The following NRXN3 variants were observed in gnomAD, a reference collection of about 807,000 sequenced individuals.
The protein encoded by NRXN3 is neurexin III.
Under a neutral mutation model 137.6 loss-of-function variants are expected in NRXN3, and 32 were observed. That is an observed-to-expected ratio of 0.23 (90% CI 0.18 to 0.31). The LOEUF (loss-of-function observed/expected upper bound fraction) is 0.31, where lower values mean the gene tolerates loss of function less well. Ranked by LOEUF, NRXN3 falls within the 10% of genes least tolerant of loss-of-function variation. The pLI is 1.00. For synonymous variants in NRXN3, 798 were observed against 784.5 expected (o/e 1.02, Z -0.29); for missense variants, 1,574 against 2,062.5 (o/e 0.76, Z 4.59).
chr14:78,610,388 C>T (rs996852540), intron 4 of NRXN3, among the ~76,000 whole-genome samples: 1 of 152,222 alleles, frequency 6.6e-6, no homozygotes, highest in Non-Finnish European at 1.5e-5. Context: ...CAGGCTCCTG[C>T]TCTTCCAAGG....
chr14:79,078,844 TA>T, intron 15 of NRXN3, among the ~76,000 whole-genome samples: 1 of 152,088 alleles, frequency 6.6e-6, no homozygotes, highest in Non-Finnish European at 1.5e-5. Context: ...GCAACACCAA[TA>T]AAGAGAGGAA....
rs2098438085 is a variant in NRXN3 at position 79,642,577 on chromosome 14, C to T, written c.3445-21201C>T. 1.5e-5 allele frequency among the ~76,000 whole-genome samples: 2 copies of T among 133,598 alleles called. 1 individual carries two copies. 87.6% of individuals were successfully genotyped at this position (133,598 alleles called of 152,430 possible). A position where few individuals can be genotyped will look rare whatever the true frequency, so the allele number is the denominator to read the frequency against. ...TCAAGCCACTGATACAAATATTGAC[C>T]AGGTAGGTTGTAAAGGACATGGTTC... On this transcript the variant is annotated intron_variant, in intron 16 of 20. Coordinates refer to ENST00000335750, the MANE Select transcript of NRXN3 (RefSeq NM_001330195.2).
chr14:78,948,628 C>CTTTTTTTTTTTTTTTTTTTT (rs201010514), intron 10 of NRXN3, among the ~76,000 whole-genome samples: 2 of 108,604 alleles, frequency 1.8e-5, no homozygotes, highest in Non-Finnish European at 3.8e-5. Context: ...ACACATTTAA[C>CTTTTTTTTTTTTTTTTTTTT]TTTTTTTTTT....
intron 19 of NRXN3, among the ~76,000 whole-genome samples, chr14:79,778,631 C>T (rs2099104829): frequency 6.6e-6 from 1 of 152,024 alleles, no homozygotes; most frequent in South Asian, 2.1e-4. Flanking sequence ...TCCTGTATAG[C>T]CCCCTTTTAA....
At chr14:78,748,676 G>C (rs1331307691) in intron 8 of NRXN3, among the ~76,000 whole-genome samples, 1 of 152,130 alleles carries the variant, frequency 6.6e-6, no homozygotes, top group Non-Finnish European at 1.5e-5. Flanking sequence ...GAAAGATCTG[G>C]GTTTAGAAAT....
At chr14:79,651,368 C>A (rs2098474929) in intron 16 of NRXN3, among the ~76,000 whole-genome samples, 1 of 152,080 alleles carries the variant, frequency 6.6e-6, no homozygotes, top group African/African-American at 2.4e-5. Context: ...GTAAATGAAC[C>A]ATGGATGGAG....
At chr14:78,832,316 T>G (rs950421639) in intron 10 of NRXN3, among the ~76,000 whole-genome samples, 9 of 152,186 alleles carry the variant, frequency 5.9e-5, no homozygotes, top group East Asian at 1.9e-4. Flanking sequence ...AAGAAAGAAA[T>G]AATTCCAGAT....
intron 15 of NRXN3, among the ~76,000 whole-genome samples, chr14:79,306,082 C>CGTA (rs1469793336): frequency 1.3e-5 from 2 of 152,044 alleles, no homozygotes; most frequent in Admixed American, 1.3e-4. Context: ...ATGTGTTGAC[C>CGTA]GTAAGTTCTT....
intron 4 of NRXN3, among the ~76,000 whole-genome samples, chr14:78,468,267 C>T (rs1267144628): frequency 6.6e-6 from 1 of 152,150 alleles, no homozygotes; most frequent in African/African-American, 2.4e-5. Context: ...TATTATTTCT[C>T]ATGAGTATTA....
At chr14:79,695,462 TTAGGCTGTCTAATG>T (rs1464134589) in intron 18 of NRXN3, among the ~76,000 whole-genome samples, 2 of 151,972 alleles carry the variant, frequency 1.3e-5, no homozygotes, top group Admixed American at 1.3e-4. Flanking sequence ...TCTCTTGGCA[TTAGGCTGTCTAATG>T]TAAGATACTG....
chr14:79,489,964 G>A (rs1236492227), intron 16 of NRXN3, among the ~76,000 whole-genome samples: 1 of 149,726 alleles, frequency 6.7e-6, no homozygotes, highest in Non-Finnish European at 1.5e-5. Flanking sequence ...GCGTGAACCT[G>A]GGAGGCAGAG....
intron 19 of NRXN3, among the ~76,000 whole-genome samples, chr14:79,768,713 C>T (rs566414153): frequency 3.3e-4 from 50 of 152,316 alleles, no homozygotes; most frequent in African/African-American, 8.7e-4. Flanking sequence ...AAAAGCAGAG[C>T]GCCTCTCCTC....
intron 4 of NRXN3, among the ~76,000 whole-genome samples, chr14:78,338,900 G>A (rs960685726): frequency 1.3e-5 from 2 of 152,206 alleles, no homozygotes; most frequent in African/African-American, 4.8e-5. Context: ...TTTCTGAGAG[G>A]TTGTGTGACT....
At chr14:79,321,305 C>G (rs1441813250) in intron 15 of NRXN3, among the ~76,000 whole-genome samples, 2 of 151,890 alleles carry the variant, frequency 1.3e-5, no homozygotes, top group African/African-American at 4.8e-5. Flanking sequence ...AGATAAGATA[C>G]CATCTTATCT....
intron 10 of NRXN3, among the ~76,000 whole-genome samples, chr14:78,893,894 A>C (rs561313522): frequency 6.6e-6 from 1 of 152,088 alleles, no homozygotes; most frequent in East Asian, 1.9e-4. Context: ...AGTGCATATA[A>C]AAGTTATTTT....
intron 8 of NRXN3, among the ~76,000 whole-genome samples, chr14:78,786,668 A>G (rs890511386): frequency 5.9e-5 from 9 of 152,148 alleles, no homozygotes; most frequent in African/African-American, 2.2e-4. Context: ...CATATATTTC[A>G]GTGTTCACAA....
chr14:79,698,699 C>G (rs2098743836), intron 19 of NRXN3, among the ~76,000 whole-genome samples: 2 of 151,928 alleles, frequency 1.3e-5, no homozygotes, highest in South Asian at 4.2e-4. Flanking sequence ...GAATTATTAG[C>G]CTTAAATGCT....
chr14:79,391,206 T>G (rs2094834744), intron 15 of NRXN3, among the ~76,000 whole-genome samples: 1 of 152,220 alleles, frequency 6.6e-6, no homozygotes, highest in Non-Finnish European at 1.5e-5. Context: ...AATATCTTAT[T>G]CTGTAGTGAA....
At chr14:78,483,223 C>CT (rs1364953466) in intron 4 of NRXN3, among the ~76,000 whole-genome samples, 1 of 152,192 alleles carries the variant, frequency 6.6e-6, no homozygotes, top group African/African-American at 2.4e-5. Context: ...CTGGGAAGTG[C>CT]TTAGAGCCCC....
Sources: allele counts gnomAD v4.1 joint callset (sites outside exome capture counted in the v4.1 genomes callset), GRCh38; gene constraint gnomAD v4.1.1; transcripts MANE v1.5; gene names NCBI Gene and HGNC (gene_info 2026-07-23, HGNC 2026-07-21).